INSIG1: variants seen among roughly 807,000 people sequenced by gnomAD.
The protein encoded by INSIG1 is insulin induced gene 1.
A neutral mutation model predicts 26.5 loss-of-function variants in INSIG1; 14 were observed. The ratio of observed to expected loss-of-function variants is 0.53; its 90% CI spans 0.35 to 0.83. The LOEUF (loss-of-function observed/expected upper bound fraction) is 0.83, where lower values mean the gene tolerates loss of function less well. Among genes scored for constraint, INSIG1 ranks in the 40% least tolerant of loss-of-function variants. The pLI, the probability that INSIG1 is intolerant of heterozygous loss-of-function variation, is 0.01. For synonymous variants in INSIG1, 147 were observed against 153.3 expected (o/e 0.96, Z 0.30); for missense variants, 272 against 368.9 (o/e 0.74, Z 2.15).
chr7:155,303,963 G>A (rs780859111), intron 5 of INSIG1: 24 of 718,604 alleles, frequency 3.3e-5, no homozygotes, highest in Non-Finnish European at 4.5e-5. Flanking sequence ...GGAGAAGAAA[G>A]GACTTTGCTT....
In INSIG1 at chr7:155,302,743, C is replaced by T; in HGVS notation, c.705-4C>T. 1 of 1,589,502 alleles carries T rather than the reference C, an allele frequency of 6.3e-7. No individual in the cohort carries two copies. Among genetic ancestry groups the T allele is most frequent in the Non-Finnish European group, 8.6e-7 (1 of 1,157,868 alleles). ...CTAAGGTACAGTTTCTTTTCTCGCT[C>T]CAGGTATACATCCCCAGATTTCCTC... is the stretch of plus-strand genomic sequence containing the variant. On this transcript the variant is annotated splice_region_variant and splice_polypyrimidine_tract_variant and intron_variant, in intron 4 of 5. Coordinates refer to ENST00000340368, the MANE Select transcript of INSIG1 (RefSeq NM_005542.6). The surrounding 1 kb of genome is among the most constrained non-coding windows in gnomAD (Gnocchi z 4.3).
In INSIG1 at chr7:155,298,312, G is replaced by C. The variant is rs1395941774; in HGVS notation, c.27G>C (p.Trp9Cys). MPRLHDHFWSCSCAHSARR... is the reference protein window; with the variant it reads MPRLHDHFCSCSCAHSARR... ...TGCCCAGATTGCACGACCACTTCTG[G>C]AGCTGCTCCTGTGCGCACAGCGCGA... Residue 9 changes from tryptophan (W) to cysteine (C), a missense_variant, in exon 2 of 6, where the codon TGG becomes TGC. Trp to Cys is a radical substitution (Grantham distance 215, BLOSUM62 -2). Around this residue, in one of 2 missense-constraint regions of INSIG1, gnomAD observed 161 missense variants for 179.2 expected, o/e 0.90. Transcript: ENST00000340368. The C allele has an allele frequency of 6.6e-7, 1 of 1,506,848 alleles. No individual in the cohort carries two copies. Among genetic ancestry groups the C allele is most frequent in the Non-Finnish European group, 8.8e-7 (1 of 1,136,322 alleles). The allele number at this position is 1,506,848 out of a possible 1,614,324, so 93.3% of individuals were successfully genotyped here. A position where few individuals can be genotyped will look rare whatever the true frequency, so the allele number is the denominator to read the frequency against.
In INSIG1 at chr7:155,302,651, T is replaced by A. The variant is rs1278873564; in HGVS notation, c.705-96T>A. 6 of 948,330 alleles carry A rather than the reference T, an allele frequency of 6.3e-6. No individual in the cohort carries two copies. Among genetic ancestry groups the A allele is most frequent in the Non-Finnish European group, 1.0e-5 (6 of 595,944 alleles). 58.7% of individuals were successfully genotyped at this position (948,330 alleles called of 1,614,324 possible). A position where few individuals can be genotyped will look rare whatever the true frequency, so the allele number is the denominator to read the frequency against. ...AACATTCGTAACATTGGATGGTTGA[T>A]ATGCGTTCTGCATATCCCCACTACA... On this transcript the variant is annotated intron_variant, in intron 4 of 5. Transcript: ENST00000340368. The surrounding 1 kb of genome is among the most constrained non-coding windows in gnomAD (Gnocchi z 4.3).
At chr7:155,298,146 C>T (rs982559204) in intron 1 of INSIG1, 113 bp from the exon 2 acceptor site, 8 of 926,400 alleles carry the variant, frequency 8.6e-6, no homozygotes, top group Non-Finnish European at 1.2e-5. Flanking sequence ...GCACGGGGGT[C>T]TAACCTTGGG....
Position 155,308,288 on chromosome 7 carries a change from T to G in INSIG1, c.*18T>G, listed in dbSNP as rs1418401935. Reference sequence around the variant, plus strand: ...GTGATTGAGTCTTCAAAACCACCGATTCTGAGAGCAAGGAAGATTTTGGAA... The same window carrying G: ...GTGATTGAGTCTTCAAAACCACCGAGTCTGAGAGCAAGGAAGATTTTGGAA... On this transcript the variant is annotated 3_prime_UTR_variant, in exon 6 of 6. Coordinates refer to ENST00000340368, the MANE Select transcript of INSIG1 (RefSeq NM_005542.6). The G allele has an allele frequency of 6.2e-7, 1 of 1,613,240 alleles. No homozygotes were observed. The highest frequency in any genetic ancestry group is 1.1e-5 in the South Asian group (1 of 91,068).
At chr7:155,306,119 C>G (rs886957543) in intron 5 of INSIG1, among the ~76,000 whole-genome samples, 21 of 152,196 alleles carry the variant, frequency 1.4e-4, no homozygotes, top group African/African-American at 5.1e-4. Flanking sequence ...CCTGCCTCAG[C>G]CTCCCAAGTA....
chr7:155,298,768 T>A, intron 2 of INSIG1, 71 bp downstream of exon 2: 1 of 1,365,380 alleles, frequency 7.3e-7, no homozygotes, highest in Non-Finnish European at 1.0e-6. Flanking sequence ...TTTCAGCCTA[T>A]AAGAAACATG....
At chr7:155,303,971 C>G in intron 5 of INSIG1, 5 of 467,244 alleles carry the variant, frequency 1.1e-5, no homozygotes, top group South Asian at 2.5e-5. Context: ...AAGGACTTTG[C>G]TTGCCTTTTT....
At chr7:155,305,071 G>C (rs138474050) in intron 5 of INSIG1, among the ~76,000 whole-genome samples, 1 of 151,176 alleles carries the variant, frequency 6.6e-6, no homozygotes, top group African/African-American at 2.4e-5. Flanking sequence ...GCGTGAACCC[G>C]GGAGGCAGAG....
In INSIG1 at chr7:155,309,279, TG is replaced by T; in HGVS notation, c.*1012del. 1 of 152,722 alleles carries T rather than the reference TG, an allele frequency of 6.5e-6. No homozygotes were observed. Among genetic ancestry groups the T allele is most frequent in the African/African-American group, 2.4e-5 (1 of 41,534 alleles). The allele number at this position is 152,722 out of a possible 1,614,324, so 9.5% of individuals were successfully genotyped here. A position where few individuals can be genotyped will look rare whatever the true frequency, so the allele number is the denominator to read the frequency against. ...CATACCAGACCTAATTTGCAAGTAT[TG>T]GGTCTTAAACTTCAAGTGCAATGTA... On this transcript the variant is annotated 3_prime_UTR_variant, in exon 6 of 6. Transcript: ENST00000340368.
rs752597940 is a variant in INSIG1 at position 155,302,898 on chromosome 7, T to TA, written c.804+53dup. On this transcript the variant is annotated intron_variant, in intron 5 of 5. Coordinates refer to ENST00000340368, the MANE Select transcript of INSIG1 (RefSeq NM_005542.6). This position sits in a 1 kb window ranked among gnomAD's most constrained non-coding sequence, Gnocchi z 4.3. ...TAAAACTTGCGTCTCTTTACCTTGA[T>TA]AGAATGACTTTACATGATACATTCA... is the stretch of plus-strand genomic sequence containing the variant. 9.1e-6 allele frequency: 11 copies of TA among 1,207,036 alleles called. No individual in the cohort carries two copies. Among genetic ancestry groups the TA allele is most frequent in the Non-Finnish European group, 1.4e-5 (11 of 811,054 alleles). 74.8% of individuals were successfully genotyped at this position (1,207,036 alleles called of 1,614,324 possible). A position where few individuals can be genotyped will look rare whatever the true frequency, so the allele number is the denominator to read the frequency against.
rs764380311 is a variant in INSIG1, at chr7:155,302,768, C to T, written c.726C>T (p.Leu242=). ...CCAGGTATACATCCCCAGATTTCCTCTATATTCGTTCTTGGCTCCCTTGTA... is the reference window on the plus strand; with the variant it reads ...CCAGGTATACATCCCCAGATTTCCTTTATATTCGTTCTTGGCTCCCTTGTA... ...GVYQYTSPDF[L]YIRSWLPCIF... The change falls in exon 5 of 6, where the codon CTC becomes CTT. Residue 242 remains leucine, a synonymous_variant. Transcript: ENST00000340368. The surrounding 1 kb of genome is among the most constrained non-coding windows in gnomAD (Gnocchi z 4.3). The T allele has an allele frequency of 1.2e-6, 2 of 1,611,686 alleles. No homozygotes were observed. The highest frequency in any genetic ancestry group is 3.3e-5 in the Admixed American group (2 of 59,982).
Position 155,302,452 on chromosome 7 carries a change from G to T in INSIG1, c.704+35G>T. 1 of 1,530,300 alleles carries T rather than the reference G, an allele frequency of 6.5e-7. No homozygotes were observed. Among genetic ancestry groups the T allele is most frequent in the Non-Finnish European group, 8.8e-7 (1 of 1,137,702 alleles). 94.8% of individuals were successfully genotyped at this position (1,530,300 alleles called of 1,614,324 possible). ...TGTTTTCAAATATTGGCTTTGGAAAGCTTACTTAACTTTCATTAAAACATC... is the reference window on the plus strand; with the variant it reads ...TGTTTTCAAATATTGGCTTTGGAAATCTTACTTAACTTTCATTAAAACATC... On this transcript the variant is annotated intron_variant, in intron 4 of 5. Transcript: ENST00000340368. The surrounding 1 kb of genome is among the most constrained non-coding windows in gnomAD (Gnocchi z 4.3).
rs751663546 is a variant in INSIG1 at position 155,298,690 on chromosome 7, A to G, written c.405A>G (p.Thr135=). 2 of 1,610,446 alleles carry G rather than the reference A, an allele frequency of 1.2e-6. No individual in the cohort carries two copies. Residue 135 remains threonine, a synonymous_variant, in exon 2 of 6, where the codon ACA becomes ACG. Coordinates refer to ENST00000340368, the MANE Select transcript of INSIG1 (RefSeq NM_005542.6). ...SAWWVPPCCG[T]AAAVVGLLYP... ...GGTGGGTCCCTCCCTGCTGCGGGAC[A>G]GCAGCTGGTGAGTACCCCTCCTGGT...
At chr7:155,298,987 C>T (rs1209448096) in intron 2 of INSIG1, among the ~76,000 whole-genome samples, 1 of 152,216 alleles carries the variant, frequency 6.6e-6, no homozygotes, top group East Asian at 1.9e-4. Context: ...GACTGAGGGC[C>T]CTTCCCTCCT....
intron 2 of INSIG1, among the ~76,000 whole-genome samples, chr7:155,299,927 A>C (rs1797738716): frequency 2.0e-5 from 3 of 152,176 alleles, no homozygotes; most frequent in Admixed American, 2.0e-4. Context: ...AACAGCAAGC[A>C]GCAGAGAGGT....
At chr7:155,303,694 T>C in intron 5 of INSIG1, 1 of 308,204 alleles carries the variant, frequency 3.2e-6, no homozygotes, top group Non-Finnish European at 6.3e-6. Context: ...GAGTTGACTT[T>C]GGCAGGCTGA....
In INSIG1 at chr7:155,302,991, A is replaced by T. The variant is rs1268832881; in HGVS notation, c.804+145A>T. ...ACTGAGAAAAGCTTATATTTAAAAA[A>T]ATAGGTAATGATACCCAGGTAATTC... On this transcript the variant is annotated intron_variant, in intron 5 of 5. Coordinates refer to ENST00000340368, the MANE Select transcript of INSIG1 (RefSeq NM_005542.6). This position sits in a 1 kb window ranked among gnomAD's most constrained non-coding sequence, Gnocchi z 4.3. The T allele has an allele frequency of 3.7e-6, 2 of 540,684 alleles. No individual in the cohort carries two copies. The highest frequency in any genetic ancestry group is 6.7e-6 in the Non-Finnish European group (2 of 299,370). The allele number at this position is 540,684 out of a possible 1,614,324, so 33.5% of individuals were successfully genotyped here. A position where few individuals can be genotyped will look rare whatever the true frequency, so the allele number is the denominator to read the frequency against.
rs1798021694 is a variant in INSIG1, at chr7:155,309,280, GGGTCTTA to G, written c.*1011_*1017del. On this transcript the variant is annotated 3_prime_UTR_variant, in exon 6 of 6. Transcript: ENST00000340368. ...ATACCAGACCTAATTTGCAAGTATT[GGGTCTTA>G]AACTTCAAGTGCAATGTATATGAAA... The G allele has an allele frequency of 6.6e-6, 1 of 152,532 alleles. No individual in the cohort carries two copies. Among genetic ancestry groups the G allele is most frequent in the Admixed American group, 6.5e-5 (1 of 15,282 alleles). The allele number at this position is 152,532 out of a possible 1,614,324, so 9.4% of individuals were successfully genotyped here. A position where few individuals can be genotyped will look rare whatever the true frequency, so the allele number is the denominator to read the frequency against.
Sources: allele counts gnomAD v4.1 joint callset (sites outside exome capture counted in the v4.1 genomes callset), GRCh38; gene constraint gnomAD v4.1.1; regional missense constraint gnomAD v4.1.1; non-coding constraint Gnocchi (gnomAD v3.1); transcripts MANE v1.5; gene names NCBI Gene and HGNC (gene_info 2026-07-23, HGNC 2026-07-21).